CCDC120: variants seen among roughly 807,000 people sequenced by gnomAD.
The protein encoded by CCDC120 is coiled-coil domain containing 120.
CCDC120 carries 16 observed loss-of-function variants against 37.6 expected under a neutral mutation model. The observed-to-expected ratio is 0.43, with a 90% CI of 0.29 to 0.65. CCDC120 has a LOEUF of 0.65. Among genes scored for constraint, CCDC120 ranks in the 30% least tolerant of loss-of-function variants. CCDC120 has a pLI of 0.18. For missense variants in CCDC120, 650 were observed against 657.4 expected, an observed-to-expected ratio of 0.99 and a Z score of 0.12; for synonymous variants, 309 against 275.4, an observed-to-expected ratio of 1.12 and a Z score of -1.21.
rs782434986 is a variant in CCDC120, at chrX:49,063,962, G to A, written c.390G>A (p.Pro130=). Residue 130 remains proline (P), a synonymous_variant, in exon 5 of 11, where the codon CCG becomes CCA. Coordinates refer to ENST00000603986, the MANE Select transcript of CCDC120 (RefSeq NM_001163321.4). The stretch of plus-strand genomic sequence containing the variant: ...CCACAGCCCGCGCCTACCCTCCACC[G>A]CACCCCAACCAAGCACACCACTCCT... ...RPPTARAYPP[P]HPNQAHHSLC... 29 of 1,204,751 alleles carry A rather than the reference G, an allele frequency of 2.4e-5. No individual in the cohort carries two copies. The highest frequency in any genetic ancestry group is 1.1e-4 in the Admixed American group (5 of 45,168).
intron 4 of CCDC120, 56 bp downstream of exon 4, chrX:49,062,657 TG>T: frequency 8.7e-7 from 1 of 1,153,444 alleles, no homozygotes. Context: ...GGTGAGGAGC[TG>T]GGGCCCCTAG....
chrX:49,062,487 T>C lies in CCDC120; in HGVS notation c.174T>C (p.Ala58=), dbSNP rs1557079743. Residue 58 remains alanine (A), a synonymous_variant, in exon 4 of 11, where the codon GCT becomes GCC. Transcript: ENST00000603986. ...GTCCAGCTGCCCTGTTCGGAGAGGC[T>C]GCCCCCCAGGTGAAGTCAGAGCGTC... The part of the protein sequence containing the change: ...FNAPAALFGE[A]APQVKSERLR... The C allele has an allele frequency of 8.2e-7, 1 of 1,212,143 alleles. No homozygotes were observed. Among genetic ancestry groups the C allele is most frequent in the Admixed American group, 2.2e-5 (1 of 46,089 alleles).
chrX:49,065,045 T>C lies in CCDC120; in HGVS notation c.734T>C (p.Val245Ala). Residue 245 changes from valine to alanine, a missense_variant, in exon 7 of 11, where the codon GTT becomes GCT. Physicochemically the swap from Val to Ala is moderately conservative, Grantham distance 64 (BLOSUM62 0). Coordinates refer to ENST00000603986, the MANE Select transcript of CCDC120 (RefSeq NM_001163321.4). Reference protein sequence around the residue: ...RLAQLSQEDVVLHSESSSLSE... With the variant: ...RLAQLSQEDVALHSESSSLSE... ...CCCCTCTCACCTGTAGAGGACGTAG[T>C]TCTGCACTCAGAGAGCAGCTCCCTC... 1 of 1,211,315 alleles carries C rather than the reference T, an allele frequency of 8.3e-7. No individual in the cohort carries two copies.
chrX:49,064,474 C>T lies in CCDC120; in HGVS notation c.534C>T (p.Arg178=). Residue 178 remains arginine (R), a synonymous_variant, in exon 6 of 11, where the codon CGC becomes CGT. Transcript: ENST00000603986. ...ALAPDLSTEQ[R]RRRRQVQADA... is the part of the protein sequence containing the mutation. ...CCCCTGATCTGAGCACCGAGCAGCG[C>T]CGGCGCCGGCGCCAGGTCCAGGCAG... 1 of 1,180,632 alleles carries T rather than the reference C, an allele frequency of 8.5e-7. No homozygotes were observed. Among genetic ancestry groups the T allele is most frequent in the Non-Finnish European group, 1.1e-6 (1 of 880,683 alleles).
chrX:49,057,313 T>G (rs2064838099), upstream of CCDC120, among the ~76,000 whole-genome samples: 1 of 112,407 alleles, frequency 8.9e-6, no homozygotes, highest in Admixed American at 9.4e-5. Context: ...TGAAATGCCT[T>G]TCAAAGTTAT....
At chrX:49,054,485 CT>C (rs1253631716), upstream of CCDC120, among the ~76,000 whole-genome samples, 3 of 110,927 alleles carry the variant, frequency 2.7e-5, no homozygotes, top group East Asian at 8.5e-4. Context: ...GTCCCTGCCC[CT>C]GACTCTGCCC....
At position 49,065,859 on chromosome X, in the gene CCDC120, G is replaced by T; in HGVS notation, c.1061+14G>T. The T allele has an allele frequency of 8.7e-7, 1 of 1,147,704 alleles. No homozygotes were observed. The highest frequency in any genetic ancestry group is 1.2e-6 in the Non-Finnish European group (1 of 856,772). The allele number at this position is 1,147,704 out of a possible 1,213,427, so 94.6% of individuals were successfully genotyped here. A position where few individuals can be genotyped will look rare whatever the true frequency, so the allele number is the denominator to read the frequency against. On this transcript the variant is annotated intron_variant, in intron 9 of 10. Coordinates refer to ENST00000603986, the MANE Select transcript of CCDC120 (RefSeq NM_001163321.4). ...CCAGCTCTGCAAGTAAGGGGAATCT[G>T]AGGGTGGGCTGGAGGATCAGAGGGG...
At position 49,064,600 on chromosome X, in the gene CCDC120, C is replaced by T. The variant is rs1557080551; in HGVS notation, c.660C>T (p.Ser220=). The change falls in exon 6 of 11, where the codon TCC becomes TCT. Residue 220 remains serine (S), a synonymous_variant. Transcript: ENST00000603986. The part of the protein sequence containing the change: ...VLPLPQPLPL[S]TGSVITTQGV... ...CGCTGCCCCAGCCACTGCCACTGTC[C>T]ACGGGGTCAGTGATCACCACCCAGG... 11 of 1,190,766 alleles carry T rather than the reference C, an allele frequency of 9.2e-6. No homozygotes were observed. Among genetic ancestry groups the T allele is most frequent in the Admixed American group, 2.3e-5 (1 of 43,131 alleles).
chrX:49,064,296 G>A lies in CCDC120; in HGVS notation c.430-74G>A, dbSNP rs1253992222. The A allele has an allele frequency of 1.7e-5, 18 of 1,050,544 alleles. No individual in the cohort carries two copies. The African/African-American group carries it at 2.5e-4, about 14-fold the overall frequency. The allele number at this position is 1,050,544 out of a possible 1,213,427, so 86.6% of individuals were successfully genotyped here. ...TCTGAATAGGCTGCAGGAAGTGCAG[G>A]CCAGCCTCTACTGGGTTTGGCCCCG... is the stretch of plus-strand genomic sequence containing the variant. On this transcript the variant is annotated intron_variant, in intron 5 of 10. Coordinates refer to ENST00000603986, the MANE Select transcript of CCDC120 (RefSeq NM_001163321.4).
At chrX:49,060,479 A>C in intron 1 of CCDC120, among the ~76,000 whole-genome samples, 1 of 101,218 alleles carries the variant, frequency 9.9e-6, no homozygotes, top group East Asian at 3.8e-4. Flanking sequence ...CCAGCATGGA[A>C]TTGGGATTGG....
At chrX:49,066,183 C>G in intron 9 of CCDC120, among the ~76,000 whole-genome samples, 1 of 110,898 alleles carries the variant, frequency 9.0e-6, no homozygotes, top group Non-Finnish European at 1.9e-5. Flanking sequence ...AGATCAACAT[C>G]GTGCCATTGC....
At chrX:49,068,429 C>A in intron 10 of CCDC120, 115 bp from the exon 11 acceptor site, 1 of 1,047,782 alleles carries the variant, frequency 9.5e-7, no homozygotes. Flanking sequence ...TGTCCTGTGC[C>A]TGCCTCCACC....
chrX:49,068,157 G>A (rs1557082200), intron 10 of CCDC120, 67 bp downstream of exon 10: 1 of 1,132,633 alleles, frequency 8.8e-7, no homozygotes, highest in Admixed American at 2.9e-5. Context: ...ATCCAGGCCA[G>A]GGAGTGGCTA....
upstream of CCDC120, among the ~76,000 whole-genome samples, chrX:49,056,344 T>C (rs889406729): frequency 1.8e-5 from 2 of 110,452 alleles, no homozygotes; most frequent in African/African-American, 3.3e-5. Context: ...AAAATGCATC[T>C]GAGGCCGGGC....
chrX:49,067,170 C>A lies in CCDC120; in HGVS notation c.1062-6C>A, dbSNP rs782324966. 1.7e-6 allele frequency: 2 copies of A among 1,205,500 alleles called. No homozygotes were observed. Among genetic ancestry groups the A allele is most frequent in the African/African-American group, 1.8e-5 (1 of 57,106 alleles). The stretch of plus-strand genomic sequence containing the variant: ...CTATTCCCATGACCCTCGCCTCTCA[C>A]CCCAGACCTGAAGGCCTTCATTCTC... On this transcript the variant is annotated splice_polypyrimidine_tract_variant and splice_region_variant and intron_variant, in intron 9 of 10. Coordinates refer to ENST00000603986, the MANE Select transcript of CCDC120 (RefSeq NM_001163321.4).
chrX:49,054,149 C>T (rs782320225), upstream of CCDC120, among the ~76,000 whole-genome samples: 1 of 111,540 alleles, frequency 9.0e-6, no homozygotes, highest in South Asian at 3.7e-4. Context: ...GTCCTGACCC[C>T]AAACCCCATC....
In CCDC120 at chrX:49,067,397, G is replaced by A. The variant is rs1170736057; in HGVS notation, c.1283G>A (p.Ser428Asn). Residue 428 changes from serine (S) to asparagine (N), a missense_variant, in exon 10 of 11, where the codon AGC becomes AAC. By Grantham distance (46) the Ser-to-Asn change is conservative. Coordinates refer to ENST00000603986, the MANE Select transcript of CCDC120 (RefSeq NM_001163321.4). Reference protein sequence around the residue: ...PSASGPPVCKSSEVLYERPQP... With the variant: ...PSASGPPVCKNSEVLYERPQP... Reference sequence around the variant, plus strand: ...GCCTCTGGCCCCCCAGTCTGCAAGAGCAGTGAGGTGCTGTATGAGCGCCCC... The same window carrying A: ...GCCTCTGGCCCCCCAGTCTGCAAGAACAGTGAGGTGCTGTATGAGCGCCCC... 3.4e-6 allele frequency: 4 copies of A among 1,192,675 alleles called. No individual in the cohort carries two copies. In the African/African-American group the frequency reaches 7.0e-5, roughly 21 times the overall value.
Position 49,067,323 on chromosome X carries a change from G to T in CCDC120, c.1209G>T (p.Arg403=). Residue 403 remains arginine, a synonymous_variant, in exon 10 of 11, where the codon CGG becomes CGT. Coordinates refer to ENST00000603986, the MANE Select transcript of CCDC120 (RefSeq NM_001163321.4). ...SNSSEALLVD[R]AAGGGAGSPP... is the part of the protein sequence containing the mutation. ...GTTCTGAGGCCCTGCTGGTGGACCG[G>T]GCCGCTGGTGGGGGAGCTGGCTCCC... 1 of 1,207,552 alleles carries T rather than the reference G, an allele frequency of 8.3e-7. No homozygotes were observed. The highest frequency in any genetic ancestry group is 1.1e-6 in the Non-Finnish European group (1 of 893,864).
chrX:49,068,462 TTCTTTTTCTG>T (rs1569523117), intron 10 of CCDC120, 72 bp from the exon 11 acceptor site: 1 of 1,043,590 alleles, frequency 9.6e-7, no homozygotes, highest in Non-Finnish European at 1.2e-6. Flanking sequence ...CTCTTTTCCT[TTCTTTTTCTG>T]TGTCTTGTCT....
Sources: gnomAD v4.1 joint callset for allele counts (sites outside exome capture counted in the v4.1 genomes callset) on GRCh38, gnomAD v4.1.1 for gene constraint, MANE v1.5 for transcripts, NCBI Gene and HGNC (gene_info 2026-07-23, HGNC 2026-07-21) for gene names.